Variants in EYS observed in about 807,000 individuals in gnomAD.
EYS encodes the protein protein eyes shut homolog.
In EYS, 250 loss-of-function variants were observed where a neutral mutation model predicts 282.1. The observed-to-expected ratio is 0.89, with a 90% CI of 0.80 to 0.98. EYS has a LOEUF of 0.98. Among genes scored for constraint, EYS ranks in the 50% least tolerant of loss-of-function variants. The probability of loss-of-function intolerance (pLI) is 0.00; values close to 1 mark genes in which losing one functional copy is unlikely to be tolerated. For missense variants in EYS, 4,016 were observed against 3,709.0 expected (o/e 1.08, Z -2.15); for synonymous variants, 1,355 against 1,282.9 (o/e 1.06, Z -1.20).
chr6:64,125,154 G>GCGCGCGCTCTCTCTCTCTCTCTCTC (rs1773724746), intron 31 of EYS, among the ~76,000 whole-genome samples: 1 of 145,264 alleles, frequency 6.9e-6, no homozygotes, highest in African/African-American at 2.6e-5. Context: ...CACACTCTCT[G>GCGCGCGCTCTCTCTCTCTCTCTCTC]TCTCTCTCTC....
chr6:64,993,554 C>T (rs1374508553), intron 14 of EYS, among the ~76,000 whole-genome samples: 1 of 121,472 alleles, frequency 8.2e-6, no homozygotes, highest in Non-Finnish European at 1.6e-5. Flanking sequence ...GGAAGGGGAA[C>T]ATCACACACT....
intron 31 of EYS, among the ~76,000 whole-genome samples, chr6:64,154,118 A>G (rs1172546276): frequency 1.3e-5 from 2 of 152,324 alleles, no homozygotes; most frequent in Admixed American, 6.5e-5. Flanking sequence ...GTTTATGCAT[A>G]GTGATGGGTA....
chr6:65,058,451 C>T (rs1013685201), intron 12 of EYS, among the ~76,000 whole-genome samples: 2 of 138,502 alleles, frequency 1.4e-5, no homozygotes, highest in African/African-American at 4.9e-5. Flanking sequence ...GAGCCTGGCC[C>T]TAAATGTTCT....
At chr6:64,890,016 T>C (rs1467112741) in intron 18 of EYS, among the ~76,000 whole-genome samples, 3 of 146,716 alleles carry the variant, frequency 2.0e-5, no homozygotes, top group Non-Finnish European at 4.5e-5. Flanking sequence ...GGAAAGAGAA[T>C]ATGCACCTGG....
chr6:65,453,629 TTCTA>T (rs1176621872), intron 5 of EYS, among the ~76,000 whole-genome samples: 7 of 152,040 alleles, frequency 4.6e-5, no homozygotes. Context: ...AATTTATTCT[TTCTA>T]TCTAATTGTA....
chr6:64,227,209 C>T (rs748926030), intron 31 of EYS, among the ~76,000 whole-genome samples: 3 of 151,906 alleles, frequency 2.0e-5, no homozygotes, highest in Non-Finnish European at 4.4e-5. Context: ...CACTCAGACA[C>T]AATTTTTTGG....
At chr6:64,009,408 C>G (rs141101203) in intron 33 of EYS, among the ~76,000 whole-genome samples, 6,125 of 151,648 alleles carry the variant, frequency 0.04, 387 homozygotes, top group African/African-American at 0.14. Context: ...CTCAGCCTCC[C>G]GAGTAGTTGG....
intron 12 of EYS, among the ~76,000 whole-genome samples, chr6:65,070,830 A>G (rs16896195): frequency 0.018 from 2,750 of 151,938 alleles, 30 homozygotes; most frequent in South Asian, 0.024. Flanking sequence ...AGTTTTCCCT[A>G]CTATTGACCA....
At chr6:65,222,447 C>T (rs1336728290) in intron 12 of EYS, among the ~76,000 whole-genome samples, 1 of 152,098 alleles carries the variant, frequency 6.6e-6, no homozygotes, top group African/African-American at 2.4e-5. Context: ...GTAAGACATC[C>T]CTTCGCTTTT....
intron 35 of EYS, among the ~76,000 whole-genome samples, chr6:63,945,583 C>A (rs999652219): frequency 6.6e-6 from 1 of 152,116 alleles, no homozygotes; most frequent in African/African-American, 2.4e-5. Context: ...AAAGTACATG[C>A]AAATATACTT....
chr6:64,950,807 A>ATG (rs1769469595), intron 14 of EYS, among the ~76,000 whole-genome samples: 1 of 93,104 alleles, frequency 1.1e-5, no homozygotes, highest in East Asian at 3.1e-4. Context: ...ACATATATAT[A>ATG]TATATATATA....
At chr6:64,024,926 C>T (rs922362947) in intron 33 of EYS, among the ~76,000 whole-genome samples, 2 of 152,152 alleles carry the variant, frequency 1.3e-5, no homozygotes, top group Non-Finnish European at 2.9e-5. Context: ...GACCAAGAAC[C>T]CACCAATTCT....
chr6:64,666,276 A>C (rs1402371826), intron 22 of EYS, among the ~76,000 whole-genome samples: 1 of 152,224 alleles, frequency 6.6e-6, no homozygotes, highest in Non-Finnish European at 1.5e-5. Flanking sequence ...ACCTGTACTC[A>C]CTGCTTTGAT....
chr6:64,151,148 A>G (rs1197411052), intron 31 of EYS, among the ~76,000 whole-genome samples: 1 of 151,386 alleles, frequency 6.6e-6, no homozygotes, highest in Non-Finnish European at 1.5e-5. Flanking sequence ...TATAAGTAGG[A>G]GGATGGATAC....
At chr6:65,232,316 C>G (rs1766802831) in intron 12 of EYS, among the ~76,000 whole-genome samples, 2 of 152,026 alleles carry the variant, frequency 1.3e-5, no homozygotes, top group Non-Finnish European at 2.9e-5. Flanking sequence ...GATTTCCCAT[C>G]AAATCACGCA....
intron 11 of EYS, among the ~76,000 whole-genome samples, chr6:65,320,136 G>A (rs1157590730): frequency 2.6e-5 from 4 of 151,930 alleles, no homozygotes; most frequent in Admixed American, 6.6e-5. Context: ...AGCTGCCTAA[G>A]GATGCAATGC....
At chr6:64,747,531 T>C (rs1282709692) in intron 22 of EYS, among the ~76,000 whole-genome samples, 2 of 152,048 alleles carry the variant, frequency 1.3e-5, no homozygotes, top group Non-Finnish European at 2.9e-5. Context: ...CAGGCACGCA[T>C]CACCATGCCC....
intron 22 of EYS, among the ~76,000 whole-genome samples, chr6:64,649,399 C>T (rs964236546): frequency 2.6e-5 from 4 of 151,678 alleles, no homozygotes; most frequent in African/African-American, 4.9e-5. Flanking sequence ...TGCAGTGCCA[C>T]GATCTCAGCT....
chr6:65,208,493 C>A (rs192687871), intron 12 of EYS, among the ~76,000 whole-genome samples: 65 of 152,024 alleles, frequency 4.3e-4, no homozygotes, highest in Non-Finnish European at 3.8e-4. Context: ...CAAAAAGATA[C>A]CTGCACTTGT....
Sources: gnomAD v4.1 joint callset for allele counts (sites outside exome capture counted in the v4.1 genomes callset) on GRCh38, gnomAD v4.1.1 for gene constraint, MANE v1.5 for transcripts, NCBI Gene and HGNC (gene_info 2026-07-23, HGNC 2026-07-21) for gene names.